The following CCDC192 variants were observed in gnomAD, a reference collection of about 807,000 sequenced individuals.
CCDC192 encodes coiled-coil domain-containing protein 192.
At chr5:127,933,715 TC>T (rs1351181107) in intron 6 of CCDC192, among the ~76,000 whole-genome samples, 1 of 152,092 alleles carries the variant, frequency 6.6e-6, no homozygotes, top group Non-Finnish European at 1.5e-5. Context: ...TGACATCCAA[TC>T]CCCAGTGGGT....
intron 2 of CCDC192, among the ~76,000 whole-genome samples, chr5:127,737,349 A>C (rs1326189118): frequency 6.6e-6 from 1 of 152,046 alleles, no homozygotes; most frequent in Non-Finnish European, 1.5e-5. Context: ...TTTACTTCCA[A>C]GTATGTGGTC....
At chr5:127,757,050 A>T (rs1378171112) in intron 3 of CCDC192, among the ~76,000 whole-genome samples, 3 of 152,250 alleles carry the variant, frequency 2.0e-5, no homozygotes, top group Non-Finnish European at 4.4e-5. Context: ...ACTGGATTTC[A>T]CTTAACTTTT....
intron 3 of CCDC192, among the ~76,000 whole-genome samples, chr5:127,773,830 G>T (rs935204999): frequency 4.6e-5 from 7 of 152,012 alleles, no homozygotes; most frequent in Non-Finnish European, 1.0e-4. Context: ...CTTTTTGATC[G>T]GTCACCAATT....
chr5:127,764,097 C>A (rs557669465), intron 3 of CCDC192, among the ~76,000 whole-genome samples: 1 of 152,162 alleles, frequency 6.6e-6, no homozygotes, highest in Non-Finnish European at 1.5e-5. Context: ...AATTAGAATT[C>A]ATTACTTGTC....
At chr5:127,808,872 G>A (rs1166784770) in intron 5 of CCDC192, among the ~76,000 whole-genome samples, 1 of 152,178 alleles carries the variant, frequency 6.6e-6, no homozygotes, top group African/African-American at 2.4e-5. Flanking sequence ...TTCAATGAAT[G>A]AGAATGGAGT....
At chr5:127,844,547 C>T (rs1252124570) in intron 5 of CCDC192, among the ~76,000 whole-genome samples, 1 of 152,230 alleles carries the variant, frequency 6.6e-6, no homozygotes, top group East Asian at 1.9e-4. Context: ...GTGAGGGTGT[C>T]TGCTCCTGCC....
chr5:127,852,865 C>T (rs1227231092), intron 5 of CCDC192, among the ~76,000 whole-genome samples: 3 of 152,230 alleles, frequency 2.0e-5, no homozygotes, highest in South Asian at 2.1e-4. Flanking sequence ...GAGGCCGAGG[C>T]GGGCAGATGG....
At chr5:127,926,188 A>G (rs779999336) in intron 6 of CCDC192, among the ~76,000 whole-genome samples, 1 of 152,208 alleles carries the variant, frequency 6.6e-6, no homozygotes, top group Non-Finnish European at 1.5e-5. Flanking sequence ...AGACTCAGCT[A>G]TTGTTACAGG....
At chr5:127,847,307 T>A (rs1295899279) in intron 5 of CCDC192, among the ~76,000 whole-genome samples, 1 of 152,222 alleles carries the variant, frequency 6.6e-6, no homozygotes, top group Non-Finnish European at 1.5e-5. Flanking sequence ...TTTTCCTCCA[T>A]TATTAACTCA....
chr5:127,736,949 A>T, intron 2 of CCDC192, among the ~76,000 whole-genome samples: 1 of 150,414 alleles, frequency 6.6e-6, no homozygotes, highest in South Asian at 2.1e-4. Flanking sequence ...CTCAGATTTT[A>T]GTTATTTCTT....
At chr5:127,756,229 C>T (rs181420137) in intron 3 of CCDC192, among the ~76,000 whole-genome samples, 160 of 152,172 alleles carry the variant, frequency 1.1e-3, no homozygotes, top group African/African-American at 3.7e-3. Context: ...TCACCTTGCC[C>T]GCTGCCTAGA....
At chr5:127,858,759 T>A (rs1044546990) in intron 5 of CCDC192, among the ~76,000 whole-genome samples, 4 of 152,190 alleles carry the variant, frequency 2.6e-5, no homozygotes, top group African/African-American at 9.7e-5. Context: ...TGTGAACTCA[T>A]ATGACCATTG....
chr5:127,813,975 C>A (rs1407239970), intron 5 of CCDC192, among the ~76,000 whole-genome samples: 3 of 152,190 alleles, frequency 2.0e-5, no homozygotes, highest in Admixed American at 2.0e-4. Context: ...ATTCATTCTT[C>A]AACTATTTTT....
intron 5 of CCDC192, among the ~76,000 whole-genome samples, chr5:127,829,067 T>A (rs150096571): frequency 5.0e-4 from 76 of 151,982 alleles, no homozygotes; most frequent in African/African-American, 1.7e-3. Flanking sequence ...GGTGGGATGG[T>A]GAGAGATGGG....
intron 6 of CCDC192, among the ~76,000 whole-genome samples, chr5:127,927,831 A>G (rs1267346398): frequency 6.8e-6 from 1 of 147,824 alleles, no homozygotes; most frequent in Non-Finnish European, 1.5e-5. Flanking sequence ...CATTATTCAG[A>G]TGTTCTTTGG....
At chr5:127,886,913 A>T (rs1448327893) in intron 6 of CCDC192, among the ~76,000 whole-genome samples, 1 of 152,262 alleles carries the variant, frequency 6.6e-6, no homozygotes, top group Admixed American at 6.5e-5. Context: ...TGTATGCTTC[A>T]GGAATGAAAG....
chr5:127,772,842 T>C (rs571257578), intron 3 of CCDC192, among the ~76,000 whole-genome samples: 4 of 152,168 alleles, frequency 2.6e-5, no homozygotes, highest in South Asian at 2.1e-4. Context: ...TAGCAAGAGA[T>C]AAAGGGGGAA....
At chr5:127,918,699 TGAG>T (rs1314283922) in intron 6 of CCDC192, among the ~76,000 whole-genome samples, 2 of 152,212 alleles carry the variant, frequency 1.3e-5, no homozygotes, top group Non-Finnish European at 2.9e-5. Flanking sequence ...GTAGCATTGA[TGAG>T]GAGGGGGCAG....
At chr5:127,741,117 G>C (rs1753390987) in intron 2 of CCDC192, among the ~76,000 whole-genome samples, 2 of 152,134 alleles carry the variant, frequency 1.3e-5, no homozygotes, top group African/African-American at 4.8e-5. Flanking sequence ...CTGGAGTGCA[G>C]TGGCGTAATC....
Sources: allele counts gnomAD v4.1 joint callset (sites outside exome capture counted in the v4.1 genomes callset), GRCh38; gene constraint gnomAD v4.1.1; transcripts MANE v1.5; gene names NCBI Gene and HGNC (gene_info 2026-07-23, HGNC 2026-07-21).